The following WDR11 variants were observed in gnomAD, a reference collection of about 807,000 sequenced individuals.
WDR11 encodes WD repeat-containing protein 11.
A neutral mutation model predicts 151.2 loss-of-function variants in WDR11; 83 were observed. The observed-to-expected ratio is 0.55, with a 90% CI of 0.46 to 0.66. WDR11 has a LOEUF of 0.66. WDR11 is among the 30% of genes least tolerant of loss of function. The pLI, the probability that WDR11 is intolerant of heterozygous loss-of-function variation, is 0.00. For missense variants in WDR11, 1,301 were observed against 1,480.9 expected, an observed-to-expected ratio of 0.88 and a Z score of 1.99; for synonymous variants, 484 against 533.1, an observed-to-expected ratio of 0.91 and a Z score of 1.27.
chr10:120,904,564 T>G, intron 24 of WDR11, 82 bp from the exon 25 acceptor site: 3 of 1,546,980 alleles, frequency 1.9e-6, no homozygotes, highest in Non-Finnish European at 2.7e-6. Context: ...GTGTTTTCCT[T>G]TAGTTTTCTA....
At chr10:120,891,643 T>C (rs1346966285) in intron 19 of WDR11, among the ~76,000 whole-genome samples, 5 of 152,238 alleles carry the variant, frequency 3.3e-5, no homozygotes, top group Non-Finnish European at 7.3e-5. Flanking sequence ...TCTAGGCTGA[T>C]ATGTAGAAAA....
At chr10:120,879,480 T>A (rs1188466429) in intron 12 of WDR11, 2 of 152,182 alleles carry the variant, frequency 1.3e-5, no homozygotes, top group Non-Finnish European at 2.9e-5. Context: ...AAAATGCTGT[T>A]GTCTAGTATC....
intron 19 of WDR11, 26 bp downstream of exon 19, chr10:120,890,913 T>C (rs981568257): frequency 6.2e-7 from 1 of 1,613,006 alleles, no homozygotes; most frequent in Non-Finnish European, 8.5e-7. Flanking sequence ...GATAGGGGGC[T>C]TTGAAACCTG....
chr10:120,851,814 T>TTC (rs912218145), intron 1 of WDR11: 2 of 492,836 alleles, frequency 4.1e-6, no homozygotes, highest in Non-Finnish European at 7.4e-6. Flanking sequence ...GCTTCCAGGC[T>TTC]TCTCTCTCTC....
At chr10:120,902,538 TTCC>T (rs1248165109) in intron 22 of WDR11, among the ~76,000 whole-genome samples, 1 of 152,134 alleles carries the variant, frequency 6.6e-6, no homozygotes, top group Non-Finnish European at 1.5e-5. Flanking sequence ...TGGAAAGCAC[TTCC>T]TCCTACAGCT....
chr10:120,851,378 C>T lies in WDR11; in HGVS notation c.-43C>T. 6.4e-7 allele frequency: 1 copy of T among 1,573,284 alleles called. No individual in the cohort carries two copies. The highest frequency in any genetic ancestry group is 1.2e-5 in the South Asian group (1 of 86,872). On this transcript the variant is annotated 5_prime_UTR_variant, in exon 1 of 29. Coordinates refer to ENST00000263461, the MANE Select transcript of WDR11 (RefSeq NM_018117.12). ...AACGGAAGCACAGTGTCCGCCGCTT[C>T]CTGGTTGCGGGTCAGCGCCCAGGTC...
intron 26 of WDR11, 135 bp downstream of exon 26, chr10:120,905,551 T>C (rs1294012270): frequency 1.6e-5 from 15 of 936,194 alleles, no homozygotes; most frequent in Non-Finnish European, 2.6e-5. Context: ...GGAACCTTTA[T>C]CCTTTTCCTA....
rs778620914 is a variant in WDR11 at position 120,871,245 on chromosome 10, C to T, written c.1370C>T (p.Thr457Met). Reference sequence around the variant, plus strand: ...GAAGTGCACCTCAAGTTCCTGCTGACGGGACTGCTTTCAGGACTGCCCGCA... The same window carrying T: ...GAAGTGCACCTCAAGTTCCTGCTGATGGGACTGCTTTCAGGACTGCCCGCA... ...LREVHLKFLL[T>M]GLLSGLPAPQ... Residue 457 changes from threonine (T) to methionine (M), a missense_variant, in exon 10 of 29, where the codon ACG becomes ATG. Physicochemically the swap from Thr to Met is moderately conservative, Grantham distance 81. Coordinates refer to ENST00000263461, the MANE Select transcript of WDR11 (RefSeq NM_018117.12). The T allele has an allele frequency of 1.6e-5, 26 of 1,614,130 alleles. No individual in the cohort carries two copies. Among genetic ancestry groups the T allele is most frequent in the East Asian group, 1.6e-4 (7 of 44,886 alleles).
chr10:120,905,863 G>A lies in WDR11; in HGVS notation c.3292-13G>A, dbSNP rs368289212. On this transcript the variant is annotated splice_polypyrimidine_tract_variant and intron_variant, in intron 26 of 28. Transcript: ENST00000263461. ...CAGGATGTTTTTGTTGTTAACACAG[G>A]CGTCTTTCTCAGGTCCGTTTGAATC... The A allele has an allele frequency of 1.1e-5, 18 of 1,614,020 alleles. No homozygotes were observed. Among genetic ancestry groups the A allele is most frequent in the Non-Finnish European group, 1.5e-5 (18 of 1,180,034 alleles).
chr10:120,892,159 A>G (rs561168920), intron 19 of WDR11, among the ~76,000 whole-genome samples: 8 of 152,368 alleles, frequency 5.3e-5, no homozygotes, highest in African/African-American at 1.9e-4. Context: ...AAAAAGCTCC[A>G]AAGTCAAGGT....
chr10:120,902,270 C>T lies in WDR11; in HGVS notation c.2701C>T (p.Leu901=), dbSNP rs535309694. 3 of 1,614,080 alleles carry T rather than the reference C, an allele frequency of 1.9e-6. No homozygotes were observed. The highest frequency in any genetic ancestry group is 1.6e-4 in the Middle Eastern group (1 of 6,062). Residue 901 remains leucine (L), a synonymous_variant, in exon 22 of 29, where the codon CTG becomes TTG. Transcript: ENST00000263461. ...LNSLSNDIKK[L]LLDPEFTLLQ... The stretch of plus-strand genomic sequence containing the variant: ...TTTCTTCCACAGTGACATAAAGAAA[C>T]TGTTGCTTGATCCAGAATTCACTCT...
At position 120,906,712 on chromosome 10, in the gene WDR11, G is replaced by A. The variant is rs1590126192; in HGVS notation, c.3438-64G>A. On this transcript the variant is annotated intron_variant, in intron 27 of 28. Coordinates refer to ENST00000263461, the MANE Select transcript of WDR11 (RefSeq NM_018117.12). ...ATGTGTAAATGTCTTTATACCCTTC[G>A]ATGCTGCTGCCCACCAGTGATGTAA... The A allele has an allele frequency of 3.3e-5, 53 of 1,613,370 alleles. No individual in the cohort carries two copies. In the East Asian group the frequency reaches 8.7e-4, roughly 26 times the overall value.
chr10:120,866,731 A>C lies in WDR11; in HGVS notation c.1157A>C (p.Lys386Thr). ...SDGRVMIWEL[K>T]SAVCNRNSRN... ...GGCAGGGTCATGATATGGGAACTCA[A>C]GTCTGCAGTTTGTAATCGAAATTCA... Residue 386 changes from lysine to threonine, a missense_variant, in exon 8 of 29, where the codon AAG becomes ACG. By Grantham distance (78) the Lys-to-Thr change is moderately conservative. Coordinates refer to ENST00000263461, the MANE Select transcript of WDR11 (RefSeq NM_018117.12). 6.2e-7 allele frequency: 1 copy of C among 1,614,188 alleles called. No homozygotes were observed. Among genetic ancestry groups the C allele is most frequent in the African/African-American group, 1.3e-5 (1 of 75,048 alleles).
At chr10:120,889,535 C>T (rs1294902336) in intron 17 of WDR11, 11 of 395,200 alleles carry the variant, frequency 2.8e-5, no homozygotes, top group East Asian at 5.8e-5. Flanking sequence ...CCAGCACACC[C>T]GGCCAAAAAA....
At chr10:120,872,658 A>G (rs902651182) in intron 10 of WDR11, among the ~76,000 whole-genome samples, 1 of 152,130 alleles carries the variant, frequency 6.6e-6, no homozygotes, top group Non-Finnish European at 1.5e-5. Flanking sequence ...TGGTGCCCCT[A>G]GTGCATTAGA....
intron 2 of WDR11, among the ~76,000 whole-genome samples, chr10:120,853,062 C>T (rs1471934698): frequency 1.3e-5 from 2 of 151,820 alleles, no homozygotes; most frequent in African/African-American, 4.8e-5. Flanking sequence ...TCACAGAAGT[C>T]TACAGTTTCA....
chr10:120,903,284 TA>T, intron 23 of WDR11, 52 bp downstream of exon 23: 1 of 1,598,184 alleles, frequency 6.3e-7, no homozygotes, highest in African/African-American at 1.3e-5. Context: ...TGATTACTTA[TA>T]TCTTTGTCAA....
intron 23 of WDR11, among the ~76,000 whole-genome samples, chr10:120,903,645 G>A (rs1196731109): frequency 6.6e-6 from 1 of 151,722 alleles, no homozygotes; most frequent in Non-Finnish European, 1.5e-5. Context: ...TATTAAACAG[G>A]CTTGTTTAAT....
In WDR11 at chr10:120,908,840, C is replaced by CAAAG; in HGVS notation, c.*127_*128insAAAG. The CAAAG allele has an allele frequency of 9.8e-7, 1 of 1,017,742 alleles. No homozygotes were observed. The allele number at this position is 1,017,742 out of a possible 1,614,324, so 63.0% of individuals were successfully genotyped here. A position where few individuals can be genotyped will look rare whatever the true frequency, so the allele number is the denominator to read the frequency against. Reference sequence around the variant, plus strand: ...TCCTGTGAGCTGTTTGACCACTGTTCTAAGACTATGTGTGCCCAAAAGCAC... The same window carrying CAAAG: ...TCCTGTGAGCTGTTTGACCACTGTTCAAAGTAAGACTATGTGTGCCCAAAAGCAC... On this transcript the variant is annotated 3_prime_UTR_variant, in exon 29 of 29. Coordinates refer to ENST00000263461, the MANE Select transcript of WDR11 (RefSeq NM_018117.12).
Sources: gnomAD v4.1 joint callset for allele counts (sites outside exome capture counted in the v4.1 genomes callset) on GRCh38, gnomAD v4.1.1 for gene constraint, MANE v1.5 for transcripts, NCBI Gene and HGNC (gene_info 2026-07-23, HGNC 2026-07-21) for gene names.